The following ZNF106 variants were observed in gnomAD, a reference collection of about 807,000 sequenced individuals.
ZNF106 encodes zinc finger protein 106.
Under a neutral mutation model 195.1 loss-of-function variants are expected in ZNF106, and 67 were observed. The observed-to-expected ratio is 0.34, with a 90% CI of 0.28 to 0.42. The LOEUF (loss-of-function observed/expected upper bound fraction) is 0.42. ZNF106 is among the 10% of genes least tolerant of loss of function. The pLI is 1.00. For synonymous variants in ZNF106, 784 were observed against 818.6 expected (o/e 0.96, Z 0.72); for missense variants, 2,118 against 2,304.5 (o/e 0.92, Z 1.66).
chr15:42,485,247 A>T (rs1366741365), intron 1 of ZNF106, among the ~76,000 whole-genome samples: 1 of 152,192 alleles, frequency 6.6e-6, no homozygotes, highest in African/African-American at 2.4e-5. Flanking sequence ...ACCTACATGA[A>T]CATCTTCTGG....
chr15:42,467,064 C>T (rs1231546160), intron 2 of ZNF106, among the ~76,000 whole-genome samples: 1 of 151,968 alleles, frequency 6.6e-6, no homozygotes, highest in African/African-American at 2.4e-5. Context: ...ACCCGGGAGG[C>T]AGAGGCTACA....
In ZNF106 at chr15:42,439,531, G is replaced by C. The variant is rs532838394; in HGVS notation, c.4046C>G (p.Pro1349Arg). Reference sequence around the variant, plus strand: ...TTCAGGCTGGTCAGCTGGAGAGTGGGGTTCCTTCTCCAAAGGGGTTTCTGA... The same window carrying C: ...TTCAGGCTGGTCAGCTGGAGAGTGGCGTTCCTTCTCCAAAGGGGTTTCTGA... The part of the protein sequence containing the change: ...FASETPLEKE[P>R]HSPADQPEQQ... Residue 1349 changes from proline to arginine, a missense_variant, in exon 11 of 22, where the codon CCC (proline) becomes CGC (arginine). Transcript: ENST00000564754. 5 of 1,614,124 alleles carry C rather than the reference G, an allele frequency of 3.1e-6. No individual in the cohort carries two copies. The highest frequency in any genetic ancestry group is 1.1e-5 in the South Asian group (1 of 91,078).
At chr15:42,417,503 AC>A (rs2054502953) in intron 21 of ZNF106, 143 bp from the exon 22 acceptor site, 3 of 927,632 alleles carry the variant, frequency 3.2e-6, no homozygotes, top group East Asian at 5.2e-5. Flanking sequence ...TTGCTAACTT[AC>A]GTGAAACCAT....
chr15:42,466,657 G>C (rs1426109099), intron 2 of ZNF106, among the ~76,000 whole-genome samples: 1 of 152,174 alleles, frequency 6.6e-6, no homozygotes, highest in Admixed American at 6.6e-5. Context: ...CTCTATGCTA[G>C]ATAAGAAAGT....
Position 42,429,207 on chromosome 15 carries a change from G to A in ZNF106, c.4882-1073C>T, listed in dbSNP as rs576047571. 3.5e-4 allele frequency among the ~76,000 whole-genome samples: 53 copies of A among 151,584 alleles called. 1 individual carries two copies. The East Asian group carries it at 4.2e-3, about 12-fold the overall frequency. On this transcript the variant is annotated intron_variant, in intron 14 of 21. Transcript: ENST00000564754. ...CTGTAATCCTACACGTTGGGAAGCCGAGGCGGGTGAATCACGAGGTCAGGA... is the reference window on the plus strand; with the variant it reads ...CTGTAATCCTACACGTTGGGAAGCCAAGGCGGGTGAATCACGAGGTCAGGA...
chr15:42,463,785 T>C (rs2056449850), intron 3 of ZNF106, among the ~76,000 whole-genome samples: 2 of 151,646 alleles, frequency 1.3e-5, no homozygotes, highest in Non-Finnish European at 2.9e-5. Flanking sequence ...GGTGACAGAG[T>C]GAGTGAGACC....
chr15:42,415,868 G>A lies in ZNF106; in HGVS notation c.*1436C>T, dbSNP rs2054440244. ...TTCTCCTGCCTCAGCCTCCTGAGCA[G>A]CTGGGATTACAGGCGCCCACCACGC... On this transcript the variant is annotated 3_prime_UTR_variant, in exon 22 of 22. Transcript: ENST00000564754. The A allele has an allele frequency of 6.5e-6, 1 of 153,852 alleles. No individual in the cohort carries two copies. Among genetic ancestry groups the A allele is most frequent in the African/African-American group, 2.4e-5 (1 of 41,396 alleles). The allele number at this position is 153,852 out of a possible 1,614,324, so 9.5% of individuals were successfully genotyped here.
At chr15:42,424,418 T>C (rs563070104) in intron 16 of ZNF106, 62 of 280,180 alleles carry the variant, frequency 2.2e-4, no homozygotes, top group Non-Finnish European at 1.7e-4. Flanking sequence ...CTCCTTGCTC[T>C]TTCCAAGGTG....
chr15:42,435,363 GAT>G lies in ZNF106; in HGVS notation c.4881+19_4881+20del. On this transcript the variant is annotated intron_variant, in intron 14 of 21. Coordinates refer to ENST00000564754, the MANE Select transcript of ZNF106 (RefSeq NM_001366845.3). The stretch of plus-strand genomic sequence containing the variant: ...AGGCGACTCAATATGAACCACTTTG[GAT>G]TTCTCTGGACCCACCTACCTTAACA... The G allele has an allele frequency of 6.2e-7, 1 of 1,613,990 alleles. No individual in the cohort carries two copies. Among genetic ancestry groups the G allele is most frequent in the Non-Finnish European group, 8.5e-7 (1 of 1,179,960 alleles).
In ZNF106 at chr15:42,414,071, A is replaced by G. The variant is rs2054359857; in HGVS notation, c.*3233T>C. ...GAATTAGACAAAAGCAACCGAGAGT[A>G]ACATTCTAAAAGTGGCTTCAACTAC... is the stretch of plus-strand genomic sequence containing the variant. On this transcript the variant is annotated 3_prime_UTR_variant, in exon 22 of 22. Coordinates refer to ENST00000564754, the MANE Select transcript of ZNF106 (RefSeq NM_001366845.3). 6.6e-6 allele frequency: 1 copy of G among 152,248 alleles called. No homozygotes were observed. The highest frequency in any genetic ancestry group is 1.5e-5 in the Non-Finnish European group (1 of 68,040). 9.4% of individuals were successfully genotyped at this position (152,248 alleles called of 1,614,324 possible). A position where few individuals can be genotyped will look rare whatever the true frequency, so the allele number is the denominator to read the frequency against.
At chr15:42,462,583 T>G (rs2056418004) in intron 3 of ZNF106, among the ~76,000 whole-genome samples, 1 of 151,938 alleles carries the variant, frequency 6.6e-6, no homozygotes, top group Non-Finnish European at 1.5e-5. Flanking sequence ...GGGCTACGAG[T>G]GTGAAACTCC....
intron 1 of ZNF106, among the ~76,000 whole-genome samples, chr15:42,479,537 G>GT (rs1297009854): frequency 6.6e-6 from 1 of 151,696 alleles, no homozygotes; most frequent in Non-Finnish European, 1.5e-5. Flanking sequence ...TTATATTGAT[G>GT]TTTTTTTTAA....
intron 17 of ZNF106, 55 bp downstream of exon 17, chr15:42,423,943 A>G: frequency 2.0e-6 from 3 of 1,508,386 alleles, no homozygotes; most frequent in Non-Finnish European, 2.7e-6. Flanking sequence ...AAAACCATCA[A>G]GCTTTAACCA....
rs1403646793 is a variant in ZNF106 at position 42,450,030 on chromosome 15, G to C, written c.2242C>G (p.Pro748Ala). ...GTTAGATCCCTCTGAAGTGAGGCAG[G>C]AAAGCCAAGCTTACTTAGTTCAGGC... ...LLPELSKLGF[P>A]ASLQRDLTRH... The change falls in exon 5 of 22, where the codon CCT becomes GCT. Residue 748 changes from proline (P) to alanine (A), a missense_variant. Physicochemically the swap from Pro to Ala is conservative, Grantham distance 27 (BLOSUM62 -1). Transcript: ENST00000564754. The C allele has an allele frequency of 3.7e-6, 6 of 1,614,188 alleles. No individual in the cohort carries two copies. The South Asian group carries it at 6.6e-5, about 18-fold the overall frequency.
At chr15:42,430,737 C>T (rs1567000223) in intron 14 of ZNF106, among the ~76,000 whole-genome samples, 1 of 151,996 alleles carries the variant, frequency 6.6e-6, no homozygotes, top group African/African-American at 2.4e-5. Flanking sequence ...CCTGTTTGTC[C>T]TATCTTAAGT....
At chr15:42,481,055 C>A (rs1423936787) in intron 1 of ZNF106, among the ~76,000 whole-genome samples, 1 of 152,108 alleles carries the variant, frequency 6.6e-6, no homozygotes, top group Non-Finnish European at 1.5e-5. Flanking sequence ...TTTACCCTCA[C>A]CCATCATCCC....
chr15:42,460,809 G>A (rs1292466362), intron 3 of ZNF106, among the ~76,000 whole-genome samples: 2 of 149,034 alleles, frequency 1.3e-5, no homozygotes, highest in African/African-American at 5.0e-5. Flanking sequence ...GCGGTGAGCC[G>A]AGATTGCACC....
In ZNF106 at chr15:42,415,008, T is replaced by C. The variant is rs2054397037; in HGVS notation, c.*2296A>G. 6.5e-6 allele frequency: 1 copy of C among 153,094 alleles called. No individual in the cohort carries two copies. The highest frequency in any genetic ancestry group is 6.5e-5 in the Admixed American group (1 of 15,330). 9.5% of individuals were successfully genotyped at this position (153,094 alleles called of 1,614,324 possible). ...CTTCTCTGTTCTCCATTAAGCATCA[T>C]GTAAATCTCACTAGTGTGGTTAACA... On this transcript the variant is annotated 3_prime_UTR_variant, in exon 22 of 22. Transcript: ENST00000564754.
chr15:42,452,844 C>T (rs2056092464), intron 4 of ZNF106, among the ~76,000 whole-genome samples: 1 of 151,830 alleles, frequency 6.6e-6, no homozygotes, highest in East Asian at 1.9e-4. Flanking sequence ...CGCCACCACA[C>T]CCGGCTAATT....
Sources: gnomAD v4.1 joint callset for allele counts (sites outside exome capture counted in the v4.1 genomes callset) on GRCh38, gnomAD v4.1.1 for gene constraint, MANE v1.5 for transcripts, NCBI Gene and HGNC (gene_info 2026-07-23, HGNC 2026-07-21) for gene names.